The following DNAH10 variants were observed in gnomAD, a reference collection of about 807,000 sequenced individuals.
DNAH10 encodes the protein axonemal beta dynein heavy chain 10.
In DNAH10, 348 loss-of-function variants were observed where a neutral mutation model predicts 506.6. That is an observed-to-expected ratio of 0.69 (90% CI 0.63 to 0.75). The LOEUF is 0.75. Ranked by LOEUF, DNAH10 falls within the 30% of genes least tolerant of loss-of-function variation. The probability of loss-of-function intolerance (pLI) is 0.00; values close to 1 mark genes in which losing one functional copy is unlikely to be tolerated. For synonymous variants in DNAH10, 2,059 were observed against 2,198.6 expected, an observed-to-expected ratio of 0.94 and a Z score of 1.78; for missense variants, 5,179 against 5,787.1, an observed-to-expected ratio of 0.89 and a Z score of 3.41.
rs373729632 is a variant in DNAH10, at chr12:123,871,041, C to T, written c.7640-416C>T. Among the ~76,000 whole-genome samples the T allele has an allele frequency of 2.9e-3, 437 of 152,274 alleles. 2 individuals are homozygous for T. Among genetic ancestry groups the T allele is most frequent in the African/African-American group, 0.01 (425 of 41,558 alleles). ...TTACGGAGTGAGACATCCCTGTTTT[C>T]TCGGGAGCCCATCAGGGTTGAAACC... is the stretch of plus-strand genomic sequence containing the variant. On this transcript the variant is annotated intron_variant, in intron 44 of 78. Coordinates refer to ENST00000673944, the MANE Select transcript of DNAH10 (RefSeq NM_001372106.1).
At chr12:123,921,935 G>A (rs112421376) in intron 65 of DNAH10, among the ~76,000 whole-genome samples, 8,554 of 151,336 alleles carry the variant, frequency 0.057, 740 homozygotes, top group African/African-American at 0.18. Context: ...GGCTGGTCTC[G>A]AACTCTTGAT....
At chr12:123,855,916 T>C (rs1253034401) in intron 36 of DNAH10, among the ~76,000 whole-genome samples, 4 of 149,960 alleles carry the variant, frequency 2.7e-5, no homozygotes, top group Non-Finnish European at 4.4e-5. Flanking sequence ...AATTTTTACA[T>C]TTATATACAA....
intron 52 of DNAH10, among the ~76,000 whole-genome samples, chr12:123,892,301 G>A (rs1953020337): frequency 1.3e-5 from 2 of 152,148 alleles, no homozygotes; most frequent in South Asian, 2.1e-4. Flanking sequence ...GAGCAGGCGC[G>A]TCCCATGGCC....
At chr12:123,904,492 A>G (rs932287104) in intron 57 of DNAH10, among the ~76,000 whole-genome samples, 9 of 152,148 alleles carry the variant, frequency 5.9e-5, no homozygotes, top group Non-Finnish European at 1.2e-4. Context: ...AGGAACGGTG[A>G]GTCCCTTCCA....
At position 123,875,304 on chromosome 12, in the gene DNAH10, G is replaced by T. The variant is rs776555856; in HGVS notation, c.8012G>T (p.Arg2671Leu). 1.2e-6 allele frequency: 2 copies of T among 1,613,350 alleles called. No individual in the cohort carries two copies. Among genetic ancestry groups the T allele is most frequent in the African/African-American group, 2.7e-5 (2 of 74,932 alleles). ...LLLEKGYLYD[R>L]GKELNCKSIR... is the part of the protein sequence containing the mutation. ...TTGGAAAAAGGCTACTTATATGACC[G>T]TGGGAAGGAGCTGAACTGTAAAAGC... The change falls in exon 47 of 79, where the codon CGT (arginine) becomes CTT (leucine). Residue 2671 changes from arginine (R) to leucine (L), a missense_variant. Physicochemically the swap from Arg to Leu is moderately radical, Grantham distance 102 (BLOSUM62 -2). Coordinates refer to ENST00000673944, the MANE Select transcript of DNAH10 (RefSeq NM_001372106.1).
intron 52 of DNAH10, among the ~76,000 whole-genome samples, chr12:123,892,278 G>A (rs923532374): frequency 6.6e-6 from 1 of 152,228 alleles, no homozygotes; most frequent in Admixed American, 6.5e-5. Context: ...AGTCATGGCA[G>A]AAGGTGAAGG....
chr12:123,918,568 C>T, intron 64 of DNAH10, 108 bp from the exon 65 acceptor site: 1 of 1,356,466 alleles, frequency 7.4e-7, no homozygotes, highest in African/African-American at 1.4e-5. Context: ...TGGATACTTT[C>T]AAAGCCCTGA....
At chr12:123,905,091 T>C (rs1307264022) in intron 57 of DNAH10, among the ~76,000 whole-genome samples, 3 of 152,238 alleles carry the variant, frequency 2.0e-5, no homozygotes, top group Non-Finnish European at 4.4e-5. Context: ...TTCCTTCTTT[T>C]ATATACAAAT....
chr12:123,805,263 G>A (rs758292653), intron 18 of DNAH10, among the ~76,000 whole-genome samples: 1 of 152,182 alleles, frequency 6.6e-6, no homozygotes, highest in Non-Finnish European at 1.5e-5. Flanking sequence ...CACTTCAACT[G>A]TCTGAAAGCC....
intron 24 of DNAH10, among the ~76,000 whole-genome samples, chr12:123,825,140 G>T (rs980850430): frequency 6.6e-6 from 1 of 152,152 alleles, no homozygotes; most frequent in African/African-American, 2.4e-5. Context: ...CTGGCCAACT[G>T]CACCAGATGC....
intron 2 of DNAH10, among the ~76,000 whole-genome samples, chr12:123,768,106 C>T (rs149473435): frequency 1.4e-3 from 213 of 151,438 alleles, no homozygotes; most frequent in Non-Finnish European, 2.5e-3. Flanking sequence ...CTTTCTTCTC[C>T]GTGTGTCCTC....
chr12:123,859,378 A>G (rs922017245), intron 38 of DNAH10, 110 bp downstream of exon 38: 2 of 808,826 alleles, frequency 2.5e-6, no homozygotes, highest in African/African-American at 1.8e-5. Flanking sequence ...TGGGAGGGTA[A>G]ATTTGTAATA....
chr12:123,910,207 G>A (rs552140257), intron 58 of DNAH10, among the ~76,000 whole-genome samples: 12 of 152,282 alleles, frequency 7.9e-5, no homozygotes, highest in Admixed American at 5.2e-4. Context: ...GTGAGGGTGC[G>A]GGTGAAGGTA....
intron 12 of DNAH10, among the ~76,000 whole-genome samples, chr12:123,795,485 C>T (rs546024475): frequency 3.9e-5 from 6 of 152,262 alleles, no homozygotes; most frequent in South Asian, 4.1e-4. Context: ...GTTCCTGGTT[C>T]CCTTTCATCT....
Position 123,925,268 on chromosome 12 carries a change from C to CT in DNAH10, c.11921+66dup. ...GGTGGAATCTCTAGCGTCCTCCCAC[C>CT]TTGGACTCAAAGAAAGCAGAGGCTG... On this transcript the variant is annotated intron_variant, in intron 68 of 78. Coordinates refer to ENST00000673944, the MANE Select transcript of DNAH10 (RefSeq NM_001372106.1). This position sits in a 1 kb window ranked among gnomAD's most constrained non-coding sequence, Gnocchi z 4.0. The CT allele has an allele frequency of 1.2e-6, 2 of 1,603,826 alleles. No individual in the cohort carries two copies. Among genetic ancestry groups the CT allele is most frequent in the Non-Finnish European group, 1.7e-6 (2 of 1,172,688 alleles).
Position 123,928,489 on chromosome 12 carries a change from C to T in DNAH10, c.12208C>T (p.Leu4070=), listed in dbSNP as rs1955044926. The T allele has an allele frequency of 6.2e-7, 1 of 1,611,400 alleles. No homozygotes were observed. The highest frequency in any genetic ancestry group is 8.5e-7 in the Non-Finnish European group (1 of 1,178,904). ...VKWLKDLEKS[L]ERITKPHPDF... The stretch of plus-strand genomic sequence containing the variant: ...GTGGCTGAAAGATCTGGAGAAGTCC[C>T]TGGAGAGGATCACCAAGCCCCACCC... The change falls in exon 70 of 79, where the codon CTG becomes TTG. Residue 4070 remains leucine (L), a synonymous_variant. Coordinates refer to ENST00000673944, the MANE Select transcript of DNAH10 (RefSeq NM_001372106.1). The surrounding 1 kb of genome is among the most constrained non-coding windows in gnomAD (Gnocchi z 4.9).
chr12:123,813,142 C>T, intron 19 of DNAH10, 22 bp from the exon 20 acceptor site: 1 of 1,569,862 alleles, frequency 6.4e-7, no homozygotes, highest in Non-Finnish European at 8.7e-7. Context: ...ACTGTCTTTT[C>T]TCCTAATTCT....
intron 47 of DNAH10, among the ~76,000 whole-genome samples, chr12:123,877,362 A>T (rs1459520254): frequency 6.6e-6 from 1 of 152,046 alleles, no homozygotes; most frequent in East Asian, 1.9e-4. Context: ...CCCAGGCTGG[A>T]GTGCAATGGC....
In DNAH10 at chr12:123,801,193, A is replaced by G. The variant is rs1183007421; in HGVS notation, c.2463-88A>G. 18 of 1,418,280 alleles carry G rather than the reference A, an allele frequency of 1.3e-5. No individual in the cohort carries two copies. The African/African-American group carries it at 2.6e-4, about 20-fold the overall frequency. 87.9% of individuals were successfully genotyped at this position (1,418,280 alleles called of 1,614,324 possible). ...ATCAAGGTTGGTCTTGATTGAGACC[A>G]CGGTCTTTTGTAATCTCTTGACCGC... On this transcript the variant is annotated intron_variant, in intron 15 of 78. Transcript: ENST00000673944.
Sources: allele counts gnomAD v4.1 joint callset (sites outside exome capture counted in the v4.1 genomes callset), GRCh38; gene constraint gnomAD v4.1.1; non-coding constraint Gnocchi (gnomAD v3.1); transcripts MANE v1.5; gene names NCBI Gene and HGNC (gene_info 2026-07-23, HGNC 2026-07-21).